The following P2RX5 variants were observed in gnomAD, a reference collection of about 807,000 sequenced individuals.
P2RX5 encodes the protein purinergic receptor P2X 5, also known as P2X purinoceptor 5.
In P2RX5, 46 loss-of-function variants were observed where a neutral mutation model predicts 54.1. The ratio of observed to expected loss-of-function variants is 0.85; its 90% CI spans 0.67 to 1.09. P2RX5 has a LOEUF of 1.09. P2RX5 is among the 50% of genes least tolerant of loss of function. The pLI, the probability that P2RX5 is intolerant of heterozygous loss-of-function variation, is 0.00. For missense variants in P2RX5, 566 were observed against 549.8 expected (o/e 1.03, Z -0.29); for synonymous variants, 226 against 226.4 (o/e 1.00, Z 0.02).
At chr17:3,689,710 C>T in intron 6 of P2RX5, 80 bp from the exon 7 acceptor site, 2 of 1,583,000 alleles carry the variant, frequency 1.3e-6, no homozygotes, top group Non-Finnish European at 1.7e-6. Flanking sequence ...CTCGGTCCCT[C>T]ACCAACCTGA....
chr17:3,702,628 C>G, the P2RX5 span, among the ~76,000 whole-genome samples: 1 of 152,212 alleles, frequency 6.6e-6, no homozygotes, highest in Admixed American at 6.5e-5. Context: ...AGACCATGAA[C>G]CCACTGGAAG....
chr17:3,721,260 CTTTTTTTTTTTTTTTT>C, the P2RX5 span, among the ~76,000 whole-genome samples: 3 of 46,202 alleles, frequency 6.5e-5, no homozygotes, highest in East Asian at 5.5e-4. Flanking sequence ...GAGATTTTTC[CTTTTTTTTTTTTTTTT>C]TTTTTTTTTT....
rs1333699609 is a variant in P2RX5 at position 3,689,535 on chromosome 17, A to C, written c.710T>G (p.Val237Gly). 2 of 1,614,178 alleles carry C rather than the reference A, an allele frequency of 1.2e-6. No individual in the cohort carries two copies. Among genetic ancestry groups the C allele is most frequent in the East Asian group, 4.5e-5 (2 of 44,886 alleles). Residue 237 changes from valine (V) to glycine (G), a missense_variant, in exon 7 of 12, where the codon GTG (valine) becomes GGG (glycine). Coordinates refer to ENST00000225328, the MANE Select transcript of P2RX5 (RefSeq NM_002561.4). The part of the protein sequence containing the change: ...HYCPIFRLGS[V>G]IRWAGSDFQD... The stretch of plus-strand genomic sequence containing the variant: ...GAAGTCGCTCCCGGCCCAGCGGATC[A>C]CGGAGCCCAGTCGGAAGATGGGGCA...
chr17:3,673,982 G>A (rs2050040477), intron 11 of P2RX5, 105 bp from the exon 12 acceptor site: 1 of 1,032,746 alleles, frequency 9.7e-7, no homozygotes, highest in African/African-American at 1.6e-5. Flanking sequence ...TCTGAAAAGA[G>A]CTACAGTTCA....
chr17:3,684,627 GGAAA>G (rs756659656), intron 9 of P2RX5, among the ~76,000 whole-genome samples: 30,457 of 152,032 alleles, frequency 0.2, 3,099 homozygotes, highest in Admixed American at 0.24. Context: ...TCAGGGTCTG[GGAAA>G]ATATAGTATC....
the P2RX5 span, among the ~76,000 whole-genome samples, chr17:3,701,934 T>G: frequency 6.6e-6 from 1 of 151,576 alleles, no homozygotes; most frequent in Non-Finnish European, 1.5e-5. Context: ...AGTAATTTTT[T>G]TGTGTGTAAT....
upstream of P2RX5, among the ~76,000 whole-genome samples, chr17:3,696,630 G>A (rs1327209722): frequency 6.6e-6 from 1 of 151,966 alleles, no homozygotes; most frequent in Non-Finnish European, 1.5e-5. Flanking sequence ...AGTAGAGACG[G>A]GGTTTCACCA....
chr17:3,692,094 G>A (rs533053627), intron 1 of P2RX5: 20 of 417,466 alleles, frequency 4.8e-5, no homozygotes, highest in Non-Finnish European at 9.0e-5. Flanking sequence ...CGCAAGGTCA[G>A]GAGATTGAGA....
chr17:3,692,147 A>AAT (rs2050635369), intron 1 of P2RX5: 1 of 239,522 alleles, frequency 4.2e-6, no homozygotes, highest in African/African-American at 2.3e-5. Flanking sequence ...TACTCAAAAA[A>AAT]AAAAAAAAAA....
chr17:3,673,489 A>G lies in P2RX5; in HGVS notation c.*379T>C, dbSNP rs1454608801. On this transcript the variant is annotated 3_prime_UTR_variant, in exon 12 of 12. Transcript: ENST00000225328. ...TGGAGCCCTTTTCCGGACACGCACA[A>G]TGCTATTCCCAGTGAGGTAATCTAG... 1.7e-6 allele frequency: 2 copies of G among 1,174,658 alleles called. No homozygotes were observed. The highest frequency in any genetic ancestry group is 2.0e-5 in the South Asian group (1 of 49,410). The allele number at this position is 1,174,658 out of a possible 1,614,324, so 72.8% of individuals were successfully genotyped here.
chr17:3,709,499 C>G, the P2RX5 span, among the ~76,000 whole-genome samples: 1 of 152,274 alleles, frequency 6.6e-6, no homozygotes, highest in Non-Finnish European at 1.5e-5. Flanking sequence ...TTAAGTTTCC[C>G]TAAGCCAGGC....
At chr17:3,695,196 G>C (rs188689239) in intron 1 of P2RX5, among the ~76,000 whole-genome samples, 1 of 152,360 alleles carries the variant, frequency 6.6e-6, no homozygotes, top group Admixed American at 6.5e-5. Flanking sequence ...TCAGGGCTCT[G>C]AAGGCGCCTG....
chr17:3,719,671 A>T, the P2RX5 span, among the ~76,000 whole-genome samples: 1 of 152,226 alleles, frequency 6.6e-6, no homozygotes, highest in African/African-American at 2.4e-5. Flanking sequence ...GATACAGCAC[A>T]CTAAGACAGT....
chr17:3,699,142 T>G (rs1232162644), upstream of P2RX5, among the ~76,000 whole-genome samples: 2 of 151,348 alleles, frequency 1.3e-5, no homozygotes. Context: ...ATGCCTTTAA[T>G]CCTAGCACCT....
chr17:3,694,218 T>C (rs1318824740), intron 1 of P2RX5, among the ~76,000 whole-genome samples: 1 of 110,990 alleles, frequency 9.0e-6, no homozygotes, highest in Non-Finnish European at 1.9e-5. Context: ...TGACACCAAG[T>C]GAAAGAAGCC....
the P2RX5 span, among the ~76,000 whole-genome samples, chr17:3,703,918 T>A: frequency 9.9e-5 from 15 of 152,186 alleles, no homozygotes; most frequent in African/African-American, 3.1e-4. Flanking sequence ...CTGACCAACA[T>A]GGAGAAACCC....
chr17:3,715,279 G>A, the P2RX5 span, among the ~76,000 whole-genome samples: 1 of 152,166 alleles, frequency 6.6e-6, no homozygotes, highest in Non-Finnish European at 1.5e-5. Flanking sequence ...CTATGATGCT[G>A]AAGACAGAAG....
chr17:3,676,515 A>G (rs2050108795), intron 11 of P2RX5: 2 of 984,924 alleles, frequency 2.0e-6, no homozygotes, highest in African/African-American at 1.7e-5. Context: ...AAATCAGCTG[A>G]GCATACTGCT....
At chr17:3,723,729 T>C in the P2RX5 span, 1 of 1,606,482 alleles carries the variant, frequency 6.2e-7, no homozygotes, top group Non-Finnish European at 8.5e-7. Context: ...TGACTCCAGG[T>C]GCACACCGTG....
Sources: gnomAD v4.1 joint callset for allele counts (sites outside exome capture counted in the v4.1 genomes callset) on GRCh38, gnomAD v4.1.1 for gene constraint, MANE v1.5 for transcripts, NCBI Gene and HGNC (gene_info 2026-07-23, HGNC 2026-07-21) for gene names.